Variants in ACTL8 observed in about 807,000 individuals in gnomAD.
ACTL8 encodes the protein actin like 8.
A neutral mutation model predicts 9.3 loss-of-function variants in ACTL8; 3 were observed. That is an observed-to-expected ratio of 0.32 (90% CI 0.15 to 0.83). The LOEUF (loss-of-function observed/expected upper bound fraction) is 0.83, where lower values mean the gene tolerates loss of function less well. Ranked by LOEUF, ACTL8 falls within the 40% of genes least tolerant of loss-of-function variation. The probability of loss-of-function intolerance (pLI) is 0.57; values close to 1 mark genes in which losing one functional copy is unlikely to be tolerated. For missense variants in ACTL8, 381 were observed against 492.2 expected, an observed-to-expected ratio of 0.77 and a Z score of 2.14; for synonymous variants, 224 against 205.9, an observed-to-expected ratio of 1.09 and a Z score of -0.75.
intron 1 of ACTL8, among the ~76,000 whole-genome samples, chr1:17,776,359 T>G (rs1357270014): frequency 6.6e-6 from 1 of 152,168 alleles, no homozygotes; most frequent in African/African-American, 2.4e-5. Flanking sequence ...TGAGTTTGGT[T>G]GCTCGGTGCC....
intron 1 of ACTL8, among the ~76,000 whole-genome samples, chr1:17,816,151 TA>T (rs2066424936): frequency 6.6e-6 from 1 of 152,074 alleles, no homozygotes; most frequent in African/African-American, 2.4e-5. Flanking sequence ...AGTACTCTGT[TA>T]CGAACTATAT....
chr1:17,786,750 A>T (rs879434634), intron 1 of ACTL8, among the ~76,000 whole-genome samples: 4 of 152,256 alleles, frequency 2.6e-5, no homozygotes, highest in Middle Eastern at 3.4e-3. Flanking sequence ...CCCAGGCTGG[A>T]GTGCAGTGGC....
rs758483407 is a variant in ACTL8, at chr1:17,806,266, TCAAG to T, written c.-24-16717_-24-16714del. Reference sequence around the variant, plus strand: ...TTTCTGAATGCCAAGAGACAATCAATCAAGCCTTCCTGCCAGGGAGAGTAATGTT... The same window carrying T: ...TTTCTGAATGCCAAGAGACAATCAATCCTTCCTGCCAGGGAGAGTAATGTT... On this transcript the variant is annotated intron_variant, in intron 1 of 2. Coordinates refer to ENST00000375406, the MANE Select transcript of ACTL8 (RefSeq NM_030812.3). 5.9e-5 allele frequency among the ~76,000 whole-genome samples: 9 copies of T among 152,204 alleles called. 1 individual carries two copies. Among genetic ancestry groups the T allele is most frequent in the Non-Finnish European group, 1.0e-4 (7 of 68,038 alleles).
At chr1:17,771,900 C>A (rs2066085346) in intron 1 of ACTL8, among the ~76,000 whole-genome samples, 1 of 151,320 alleles carries the variant, frequency 6.6e-6, no homozygotes, top group Admixed American at 6.7e-5. Flanking sequence ...CTTCCACGGT[C>A]CTTTTCTTAA....
At chr1:17,763,784 G>A (rs1013271399) in intron 1 of ACTL8, among the ~76,000 whole-genome samples, 3 of 152,188 alleles carry the variant, frequency 2.0e-5, no homozygotes, top group African/African-American at 2.4e-5. Context: ...AAGGATGAGC[G>A]GTTGGGAGCC....
At chr1:17,806,079 C>T (rs1003543453) in intron 1 of ACTL8, among the ~76,000 whole-genome samples, 6 of 152,202 alleles carry the variant, frequency 3.9e-5, no homozygotes, top group Admixed American at 1.3e-4. Flanking sequence ...TTCTAGGCTG[C>T]CAGGATCTTA....
Position 17,826,630 on chromosome 1 carries a change from C to T in ACTL8, c.*111C>T. Reference sequence around the variant, plus strand: ...AATGAGGTGGGGTGGGGTGAGCTGGCTTTGGAATTCTAGGGGCATGAGGGT... The same window carrying T: ...AATGAGGTGGGGTGGGGTGAGCTGGTTTTGGAATTCTAGGGGCATGAGGGT... On this transcript the variant is annotated 3_prime_UTR_variant, in exon 3 of 3. Coordinates refer to ENST00000375406, the MANE Select transcript of ACTL8 (RefSeq NM_030812.3). This position sits in a 1 kb window ranked among gnomAD's most constrained non-coding sequence, Gnocchi z 4.5. 1 of 1,154,632 alleles carries T rather than the reference C, an allele frequency of 8.7e-7. No individual in the cohort carries two copies. Among genetic ancestry groups the T allele is most frequent in the Non-Finnish European group, 1.2e-6 (1 of 853,214 alleles). 71.5% of individuals were successfully genotyped at this position (1,154,632 alleles called of 1,614,324 possible).
intron 1 of ACTL8, among the ~76,000 whole-genome samples, chr1:17,783,556 G>A (rs945639435): frequency 6.6e-6 from 1 of 152,172 alleles, no homozygotes; most frequent in African/African-American, 2.4e-5. Flanking sequence ...AGGAAAAGGA[G>A]TTCCATTCCT....
chr1:17,758,408 T>A (rs531364454), intron 1 of ACTL8, among the ~76,000 whole-genome samples: 1 of 152,348 alleles, frequency 6.6e-6, no homozygotes, highest in South Asian at 2.1e-4. Context: ...GATAGAAAGT[T>A]CTAGGCCCGG....
intron 1 of ACTL8, among the ~76,000 whole-genome samples, chr1:17,804,719 C>T (rs193302229): frequency 1.3e-5 from 2 of 151,868 alleles, no homozygotes; most frequent in Admixed American, 6.6e-5. Flanking sequence ...TGGGTTCAAG[C>T]GATTCTTCTG....
At chr1:17,779,500 T>C (rs1284269891) in intron 1 of ACTL8, among the ~76,000 whole-genome samples, 1 of 152,228 alleles carries the variant, frequency 6.6e-6, no homozygotes, top group African/African-American at 2.4e-5. Flanking sequence ...CTTGTGTTAG[T>C]CAGGATAGGC....
At chr1:17,774,621 G>C (rs189092996) in intron 1 of ACTL8, among the ~76,000 whole-genome samples, 154 of 152,256 alleles carry the variant, frequency 1.0e-3, no homozygotes, top group Non-Finnish European at 1.7e-3. Flanking sequence ...CAGGTGCAAA[G>C]GTCCTGGGGT....
At chr1:17,813,320 CTAGT>C (rs2066405236) in intron 1 of ACTL8, among the ~76,000 whole-genome samples, 2 of 152,278 alleles carry the variant, frequency 1.3e-5, no homozygotes, top group South Asian at 2.1e-4. Flanking sequence ...TTCTCTGTTC[CTAGT>C]TAAAGATTTT....
chr1:17,788,331 A>C (rs2066212939), intron 1 of ACTL8, among the ~76,000 whole-genome samples: 1 of 152,178 alleles, frequency 6.6e-6, no homozygotes, highest in Non-Finnish European at 1.5e-5. Context: ...CTCCTGCCAC[A>C]TGCCTACCTT....
intron 1 of ACTL8, among the ~76,000 whole-genome samples, chr1:17,771,945 A>G (rs1383782993): frequency 2.0e-5 from 3 of 152,144 alleles, no homozygotes; most frequent in Non-Finnish European, 2.9e-5. Flanking sequence ...CTGCCTTCTC[A>G]AATAATCCAG....
Position 17,788,660 on chromosome 1 carries a change from T to TG in ACTL8, c.-25+33162dup, listed in dbSNP as rs559884506. On this transcript the variant is annotated intron_variant, in intron 1 of 2. Transcript: ENST00000375406. ...GGAAGAAACAGCAAGAGGAGTGGGG[T>TG]GGGGGGTCTTGTCCTACCTGAGGAG... is the stretch of plus-strand genomic sequence containing the variant. 2.5e-3 allele frequency among the ~76,000 whole-genome samples: 379 copies of TG among 151,664 alleles called. 1 individual carries two copies. The highest frequency in any genetic ancestry group is 8.8e-3 in the African/African-American group (362 of 41,278).
intron 1 of ACTL8, among the ~76,000 whole-genome samples, chr1:17,790,708 C>T (rs530384109): frequency 6.6e-6 from 1 of 152,246 alleles, no homozygotes; most frequent in African/African-American, 2.4e-5. Flanking sequence ...GGACCCACCC[C>T]CTTCTACCCA....
chr1:17,817,951 C>T (rs1308008272), intron 1 of ACTL8, among the ~76,000 whole-genome samples: 1 of 152,208 alleles, frequency 6.6e-6, no homozygotes, highest in Non-Finnish European at 1.5e-5. Context: ...ATCCACCTGC[C>T]TTGGCCTTCC....
At chr1:17,774,573 C>T (rs2066105445) in intron 1 of ACTL8, among the ~76,000 whole-genome samples, 3 of 152,080 alleles carry the variant, frequency 2.0e-5, no homozygotes, top group Admixed American at 2.0e-4. Flanking sequence ...CAGGGTGTGC[C>T]ACTGTCAGGG....
Sources: gnomAD v4.1 joint callset for allele counts (sites outside exome capture counted in the v4.1 genomes callset) on GRCh38, gnomAD v4.1.1 for gene constraint, Gnocchi (gnomAD v3.1) non-coding constraint, MANE v1.5 for transcripts, NCBI Gene and HGNC (gene_info 2026-07-23, HGNC 2026-07-21) for gene names.